ECT2L: variants seen among roughly 807,000 people sequenced by gnomAD.
The protein encoded by ECT2L is epithelial cell-transforming sequence 2 oncogene-like.
A neutral mutation model predicts 122.8 loss-of-function variants in ECT2L; 126 were observed. The observed-to-expected ratio is 1.03, with a 90% CI of 0.89 to 1.19. ECT2L has a LOEUF of 1.19. Among genes scored for constraint, ECT2L ranks in the 50% most tolerant of loss-of-function variants. The pLI is 0.00. For synonymous variants in ECT2L, 385 were observed against 381.8 expected (o/e 1.01, Z -0.10); for missense variants, 1,012 against 1,064.1 (o/e 0.95, Z 0.68).
intron 10 of ECT2L, among the ~76,000 whole-genome samples, chr6:138,860,442 T>G (rs955354412): frequency 8.5e-5 from 13 of 152,318 alleles, no homozygotes; most frequent in African/African-American, 2.9e-4. Flanking sequence ...TGAAATCTAT[T>G]GACTATGTAT....
At chr6:138,804,173 G>C (rs1329038003) in intron 1 of ECT2L, among the ~76,000 whole-genome samples, 2 of 152,100 alleles carry the variant, frequency 1.3e-5, no homozygotes, top group Non-Finnish European at 2.9e-5. Context: ...ATCATCCACT[G>C]TTCCTAATTT....
At chr6:138,873,900 G>GTGTGTGTGTGTA (rs1554277033) in intron 13 of ECT2L, among the ~76,000 whole-genome samples, 26 of 150,868 alleles carry the variant, frequency 1.7e-4, no homozygotes, top group African/African-American at 6.1e-4. Context: ...GTGTGTGTGT[G>GTGTGTGTGTGTA]TGTGTGTGTG....
At chr6:138,881,291 T>A (rs546170777) in intron 15 of ECT2L, 120 bp downstream of exon 15, 6 of 979,644 alleles carry the variant, frequency 6.1e-6, no homozygotes, top group Non-Finnish European at 3.0e-6. Flanking sequence ...GGGACCCTGA[T>A]TATAGCAGCG....
At chr6:138,890,750 A>C (rs1778995745) in intron 20 of ECT2L, among the ~76,000 whole-genome samples, 4 of 151,734 alleles carry the variant, frequency 2.6e-5, no homozygotes, top group Admixed American at 2.0e-4. Context: ...AACATTTCTT[A>C]ATGTTCTACT....
intron 13 of ECT2L, among the ~76,000 whole-genome samples, chr6:138,869,823 CT>C (rs910966919): frequency 1.8e-4 from 28 of 152,172 alleles, no homozygotes; most frequent in Non-Finnish European, 4.4e-5. Flanking sequence ...CTTCCTCCCC[CT>C]GAAAGACAAC....
At chr6:138,876,618 C>A (rs1778462167) in intron 14 of ECT2L, 60 bp downstream of exon 14, 3 of 1,104,154 alleles carry the variant, frequency 2.7e-6, no homozygotes, top group Non-Finnish European at 2.6e-6. Flanking sequence ...GAAATTTCAG[C>A]CTTTATTCTG....
At chr6:138,885,968 C>T in intron 18 of ECT2L, 138 bp downstream of exon 18, 3 of 805,838 alleles carry the variant, frequency 3.7e-6, no homozygotes, top group Non-Finnish European at 5.7e-6. Flanking sequence ...AATGCTAAAT[C>T]AATAGTGTGT....
At chr6:138,856,447 T>C (rs1423463947) in intron 10 of ECT2L, among the ~76,000 whole-genome samples, 1 of 152,118 alleles carries the variant, frequency 6.6e-6, no homozygotes, top group African/African-American at 2.4e-5. Flanking sequence ...ACTTCTGACC[T>C]CATGATCCGC....
Position 138,849,272 on chromosome 6 carries a change from G to T in ECT2L, c.907G>T (p.Val303Leu). 1 of 1,610,418 alleles carries T rather than the reference G, an allele frequency of 6.2e-7. No homozygotes were observed. Among genetic ancestry groups the T allele is most frequent in the Non-Finnish European group, 8.5e-7 (1 of 1,178,512 alleles). Residue 303 changes from valine to leucine, a missense_variant, in exon 9 of 22, where the codon GTG becomes TTG. Coordinates refer to ENST00000541398, the MANE Select transcript of ECT2L (RefSeq NM_001077706.3). Reference protein sequence around the residue: ...ISSRIPAYEMVMESVKAGVVS... With the variant: ...ISSRIPAYEMLMESVKAGVVS... Reference sequence around the variant, plus strand: ...CAGCTTTGGTTTCATTCTCCAGATGGTGATGGAGAGTGTGAAGGCTGGTGT... The same window carrying T: ...CAGCTTTGGTTTCATTCTCCAGATGTTGATGGAGAGTGTGAAGGCTGGTGT...
chr6:138,838,826 T>G (rs1776936561), intron 5 of ECT2L, among the ~76,000 whole-genome samples: 1 of 152,268 alleles, frequency 6.6e-6, no homozygotes, highest in African/African-American at 2.4e-5. Flanking sequence ...TTGCCCAGGC[T>G]GGAGTGCAGT....
Position 138,899,778 on chromosome 6 carries a change from C to T in ECT2L, c.2415-1170C>T, listed in dbSNP as rs561039658. Among the ~76,000 whole-genome samples the T allele has an allele frequency of 3.0e-3, 390 of 131,398 alleles. 2 individuals are homozygous for T. Among genetic ancestry groups the T allele is most frequent in the Admixed American group, 4.7e-3 (54 of 11,586 alleles). The allele number at this position is 131,398 out of a possible 152,430, so 86.2% of individuals were successfully genotyped here. ...GGAAAACAATTATGCTCTATTAAAA[C>T]ATTTAGTTTGCTTCACTTAGCCACC... is the stretch of plus-strand genomic sequence containing the variant. On this transcript the variant is annotated intron_variant, in intron 20 of 21. Transcript: ENST00000541398.
At chr6:138,835,130 A>AT (rs1449419439) in intron 4 of ECT2L, among the ~76,000 whole-genome samples, 3 of 147,520 alleles carry the variant, frequency 2.0e-5, no homozygotes. Flanking sequence ...ACTTAAAAAA[A>AT]AAATTTTAGC....
Position 138,825,713 on chromosome 6 carries a change from G to C in ECT2L, c.179+11110G>C, listed in dbSNP as rs913260707. ...CATTCGTATGACTATATATGGATCC[G>C]ATTAGACCAATTAGCCAGAATTTTT... On this transcript the variant is annotated intron_variant, in intron 4 of 21. Transcript: ENST00000541398. 2.0e-5 allele frequency among the ~76,000 whole-genome samples: 3 copies of C among 152,110 alleles called. 1 individual carries two copies. Among genetic ancestry groups the C allele is most frequent in the African/African-American group, 7.2e-5 (3 of 41,426 alleles).
Position 138,857,486 on chromosome 6 carries a change from GTC to G in ECT2L, c.1198+3336_1198+3337del, listed in dbSNP as rs560940219. Among the ~76,000 whole-genome samples the G allele has an allele frequency of 3.9e-5, 6 of 152,168 alleles. No homozygotes were observed. In the East Asian group the frequency reaches 9.7e-4, roughly 25 times the overall value. ...CACTCTCCTCAAGCTCCTCCAGTGG[GTC>G]TCTGTCTGTACTGGCACTACTTTTG... On this transcript the variant is annotated intron_variant, in intron 10 of 21. Transcript: ENST00000541398.
In ECT2L at chr6:138,899,601, T is replaced by C. The variant is rs770171257; in HGVS notation, c.2415-1347T>C. Among the ~76,000 whole-genome samples, 6 of 152,096 alleles carry C rather than the reference T, an allele frequency of 3.9e-5. No individual in the cohort carries two copies. In the East Asian group the frequency reaches 5.8e-4, roughly 15 times the overall value. On this transcript the variant is annotated intron_variant, in intron 20 of 21. Coordinates refer to ENST00000541398, the MANE Select transcript of ECT2L (RefSeq NM_001077706.3). ...ACTAAATAAAAGCCAATAGCAGGGA[T>C]TGATGTCACTTAAGCGTTTTGTAAC...
At chr6:138,868,262 G>T in intron 13 of ECT2L, 56 bp downstream of exon 13, 1 of 1,489,796 alleles carries the variant, frequency 6.7e-7, no homozygotes, top group Non-Finnish European at 9.3e-7. Context: ...AATAAATTCT[G>T]TTTGCAGTTA....
At chr6:138,902,360 G>T in intron 21 of ECT2L, 140 bp from the exon 22 acceptor site, 1 of 668,202 alleles carries the variant, frequency 1.5e-6, no homozygotes. Flanking sequence ...ATTTTAGGAA[G>T]TTATATTCTA....
At chr6:138,816,774 C>T (rs374479388) in intron 4 of ECT2L, among the ~76,000 whole-genome samples, 2 of 152,196 alleles carry the variant, frequency 1.3e-5, no homozygotes, top group East Asian at 1.9e-4. Flanking sequence ...CATGAGCCGC[C>T]GCGCCCGGCC....
chr6:138,894,491 A>G (rs1412045562), intron 20 of ECT2L, among the ~76,000 whole-genome samples: 1 of 152,194 alleles, frequency 6.6e-6, no homozygotes, highest in East Asian at 1.9e-4. Flanking sequence ...TTATGCTCTA[A>G]TTGTGAGGTA....
Sources: gnomAD v4.1 joint callset for allele counts (sites outside exome capture counted in the v4.1 genomes callset) on GRCh38, gnomAD v4.1.1 for gene constraint, MANE v1.5 for transcripts, NCBI Gene and HGNC (gene_info 2026-07-23, HGNC 2026-07-21) for gene names.